Variants in CD33 observed in about 807,000 individuals in gnomAD.
CD33 encodes myeloid cell surface antigen CD33.
In CD33, 25 loss-of-function variants were observed where a neutral mutation model predicts 31.4. The observed-to-expected ratio is 0.80, with a 90% CI of 0.58 to 1.11. The LOEUF (loss-of-function observed/expected upper bound fraction) is 1.11. CD33 is among the 50% of genes most tolerant of loss of function. CD33 has a pLI of 0.00. For synonymous variants in CD33, 176 were observed against 180.6 expected, an observed-to-expected ratio of 0.97 and a Z score of 0.20; for missense variants, 407 against 448.1, an observed-to-expected ratio of 0.91 and a Z score of 0.83.
chr19:51,236,101 T>A, intron 6 of CD33: 1 of 463,534 alleles, frequency 2.2e-6, no homozygotes, highest in Non-Finnish European at 4.0e-6. Context: ...GAGCTTGTAG[T>A]GAGCCGACAT....
the CD33 span, chr19:51,211,811 C>T: frequency 2.2e-6 from 2 of 908,508 alleles, no homozygotes; most frequent in Non-Finnish European, 1.8e-6. Context: ...ACAGGCCCAG[C>T]ATCTTCATCC....
At chr19:51,238,377 C>T (rs1219894211) in intron 6 of CD33, 1 of 152,132 alleles carries the variant, frequency 6.6e-6, no homozygotes. Context: ...TGGGAGCTTC[C>T]CTATCAACAT....
chr19:51,216,119 G>A, the CD33 span, among the ~76,000 whole-genome samples: 2 of 152,088 alleles, frequency 1.3e-5, no homozygotes, highest in South Asian at 4.1e-4. Context: ...CTATGACTCT[G>A]AGACTTTGCA....
At chr19:51,228,185 C>A (rs1019833911) in intron 4 of CD33, among the ~76,000 whole-genome samples, 2 of 152,092 alleles carry the variant, frequency 1.3e-5, no homozygotes, top group Non-Finnish European at 2.9e-5. Context: ...ATTTTGAAAT[C>A]TTGTAGTGTG....
At chr19:51,216,114 A>T in the CD33 span, among the ~76,000 whole-genome samples, 1 of 151,344 alleles carries the variant, frequency 6.6e-6, no homozygotes, top group African/African-American at 2.4e-5. Flanking sequence ...GCCCTCTATG[A>T]CTCTGAGACT....
intron 6 of CD33, 192 bp from the exon 7 acceptor site, chr19:51,239,326 G>C (rs577995777): frequency 2.3e-6 from 1 of 426,234 alleles, no homozygotes; most frequent in African/African-American, 2.0e-5. Flanking sequence ...AGAGAATTGC[G>C]AATCAATCAA....
the CD33 span, chr19:51,211,466 A>T: frequency 1.3e-5 from 21 of 1,567,156 alleles, no homozygotes; most frequent in Non-Finnish European, 1.8e-5. Flanking sequence ...CCCAGTAAGA[A>T]CAACTGCTCC....
intron 4 of CD33, among the ~76,000 whole-genome samples, chr19:51,233,095 C>A (rs1235313543): frequency 6.6e-6 from 1 of 152,188 alleles, no homozygotes; most frequent in African/African-American, 2.4e-5. Context: ...GGTTGGCTCA[C>A]AAGGCTGTTT....
chr19:51,228,739 TG>T, intron 4 of CD33, among the ~76,000 whole-genome samples: 1 of 152,204 alleles, frequency 6.6e-6, no homozygotes, highest in Non-Finnish European at 1.5e-5. Context: ...AAGCTGGTCT[TG>T]ATCTCCTGGC....
chr19:51,238,529 G>A (rs1309181405), intron 6 of CD33: 1 of 152,534 alleles, frequency 6.6e-6, no homozygotes, highest in Non-Finnish European at 1.5e-5. Context: ...GGAAATTGCA[G>A]GCTGTAGTGT....
upstream of CD33, chr19:51,225,015 C>T (rs764338982): frequency 7.0e-4 from 1,000 of 1,420,366 alleles, 3 homozygotes; most frequent in Non-Finnish European, 8.9e-4. Flanking sequence ...GGGCTGAGGT[C>T]TCCTGCTCCT....
At chr19:51,228,829 G>GGTTTTTGTAT (rs1480335442) in intron 4 of CD33, among the ~76,000 whole-genome samples, 1 of 152,112 alleles carries the variant, frequency 6.6e-6, no homozygotes, top group Non-Finnish European at 1.5e-5. Flanking sequence ...CAAGTCTTTA[G>GGTTTTTGTAT]GTTTTTGTAT....
chr19:51,212,558 A>C, the CD33 span, among the ~76,000 whole-genome samples: 1 of 131,560 alleles, frequency 7.6e-6, no homozygotes, highest in African/African-American at 2.9e-5. Context: ...CCCCACACAC[A>C]ACCCCCTCAA....
the CD33 span, among the ~76,000 whole-genome samples, chr19:51,214,948 G>C: frequency 5.9e-5 from 9 of 152,192 alleles, no homozygotes; most frequent in Non-Finnish European, 1.0e-4. Context: ...GAAGGGTCTG[G>C]AGAACCTTCC....
At chr19:51,226,431 CAG>C in intron 4 of CD33, 75 bp downstream of exon 4, 3 of 1,339,602 alleles carry the variant, frequency 2.2e-6, no homozygotes, top group Non-Finnish European at 3.2e-6. Flanking sequence ...TCTGGACTTT[CAG>C]AGTCAAATGT....
the CD33 span, among the ~76,000 whole-genome samples, chr19:51,212,427 T>G: frequency 6.6e-6 from 1 of 152,106 alleles, no homozygotes; most frequent in Non-Finnish European, 1.5e-5. Context: ...CTCCTCATCC[T>G]GACCTCACCT....
At chr19:51,233,890 C>T (rs958762337) in intron 4 of CD33, among the ~76,000 whole-genome samples, 1 of 152,096 alleles carries the variant, frequency 6.6e-6, no homozygotes, top group African/African-American at 2.4e-5. Context: ...CTCTCCACTC[C>T]CTTGCTGCAC....
Position 51,239,584 on chromosome 19 carries a change from ACTG to A in CD33, c.992_994del (p.Thr331_Val332delinsMet). The A allele has an allele frequency of 6.2e-7, 1 of 1,613,644 alleles. No individual in the cohort carries two copies. The highest frequency in any genetic ancestry group is 8.5e-7 in the Non-Finnish European group (1 of 1,179,836). On this transcript the variant is annotated inframe_deletion, in exon 7 of 7. Coordinates refer to ENST00000262262, the MANE Select transcript of CD33 (RefSeq NM_001772.4). ...CTCAAGCTGTTCAGGTGCCGCCCCT[ACTG>A]TGGAGATGGATGAGGAGCTGCATTA...
chr19:51,230,914 G>A (rs547870663), intron 4 of CD33, among the ~76,000 whole-genome samples: 1 of 152,092 alleles, frequency 6.6e-6, no homozygotes, highest in African/African-American at 2.4e-5. Context: ...GTGCCTAAGG[G>A]TGGAAGGCTG....
Sources: gnomAD v4.1 joint callset for allele counts (sites outside exome capture counted in the v4.1 genomes callset) on GRCh38, gnomAD v4.1.1 for gene constraint, MANE v1.5 for transcripts, NCBI Gene and HGNC (gene_info 2026-07-23, HGNC 2026-07-21) for gene names.